USH2A: variants seen among roughly 807,000 people sequenced by gnomAD.
The protein encoded by USH2A is Usher syndrome 2A (autosomal recessive, mild).
USH2A carries 443 observed loss-of-function variants against 538.9 expected under a neutral mutation model. The observed-to-expected ratio is 0.82, with a 90% CI of 0.76 to 0.89. The LOEUF is 0.89. Ranked by LOEUF, USH2A falls within the 40% of genes least tolerant of loss-of-function variation. The pLI is 0.00. For synonymous variants in USH2A, 2,413 were observed against 2,273.5 expected (o/e 1.06, Z -1.75); for missense variants, 6,633 against 6,324.8 (o/e 1.05, Z -1.65).
rs1056746836 is a variant in USH2A, at chr1:216,111,585, A to G, written c.4628-14372T>C. Among the ~76,000 whole-genome samples the G allele has an allele frequency of 8.5e-5, 13 of 152,194 alleles. No homozygotes were observed. In the East Asian group the frequency reaches 2.5e-3, roughly 29 times the overall value. Reference sequence around the variant, plus strand: ...TGACTCAGTTTAAAAAAACTATCAGAAACTTTAAAAAACGCTTTATTAAAC... The same window carrying G: ...TGACTCAGTTTAAAAAAACTATCAGGAACTTTAAAAAACGCTTTATTAAAC... On this transcript the variant is annotated intron_variant, in intron 21 of 71. Coordinates refer to ENST00000307340, the MANE Select transcript of USH2A (RefSeq NM_206933.4).
chr1:215,764,680 A>C (rs12748877), intron 56 of USH2A, among the ~76,000 whole-genome samples: 12,504 of 152,174 alleles, frequency 0.082, 762 homozygotes, highest in Non-Finnish European at 0.13. Flanking sequence ...GAGATCTTCA[A>C]ATTATATCTG....
intron 66 of USH2A, 112 bp from the exon 67 acceptor site, chr1:215,647,842 A>G: frequency 8.0e-7 from 1 of 1,253,694 alleles, no homozygotes; most frequent in Middle Eastern, 2.4e-4. Context: ...ACAGAGCTAC[A>G]GGCTCTTTAA....
rs1214766432 is a variant in USH2A, at chr1:215,782,750, T to G, written c.10573A>C (p.Ile3525Leu). 1 of 1,613,694 alleles carries G rather than the reference T, an allele frequency of 6.2e-7. No individual in the cohort carries two copies. The highest frequency in any genetic ancestry group is 2.2e-5 in the East Asian group (1 of 44,858). The change falls in exon 53 of 72, where the codon ATA becomes CTA. Residue 3525 changes from isoleucine to leucine, a missense_variant. Ile to Leu is a conservative substitution (Grantham distance 5, BLOSUM62 2). Coordinates refer to ENST00000307340, the MANE Select transcript of USH2A (RefSeq NM_206933.4). ...GGTATCTCAATACCATTTGATTGTA[T>G]AGGTTTTCTCCAGTTTAAGACAATT... is the stretch of plus-strand genomic sequence containing the variant. The part of the protein sequence containing the change: ...DTIVLNWRKP[I>L]QSNGPIIYYI...
chr1:216,207,291 C>T lies in USH2A; in HGVS notation c.3298G>A (p.Glu1100Lys), dbSNP rs1167805060. Residue 1100 changes from glutamate (E) to lysine (K), a missense_variant, in exon 16 of 72, where the codon GAG (glutamate) becomes AAG (lysine). Glu to Lys is a moderately conservative substitution (Grantham distance 56). Coordinates refer to ENST00000307340, the MANE Select transcript of USH2A (RefSeq NM_206933.4). ...AACTCACTGTATGGGTATTGATCCT[C>T]TGTTGTGTAGATTTCAAAACCATCC... ...LRDGFEIYTT[E>K]DQYPYSIQYF... 1 of 1,613,872 alleles carries T rather than the reference C, an allele frequency of 6.2e-7. No individual in the cohort carries two copies. Among genetic ancestry groups the T allele is most frequent in the Non-Finnish European group, 8.5e-7 (1 of 1,179,936 alleles).
At chr1:216,251,154 T>TG (rs2036154205) in intron 11 of USH2A, 56 bp from the exon 12 acceptor site, 1 of 1,584,162 alleles carries the variant, frequency 6.3e-7, no homozygotes, top group African/African-American at 1.3e-5. Context: ...TTAGATAATT[T>TG]GCTCATTAGG....
At chr1:215,673,274 T>A (rs895206433) in intron 63 of USH2A, among the ~76,000 whole-genome samples, 1 of 152,188 alleles carries the variant, frequency 6.6e-6, no homozygotes, top group African/African-American at 2.4e-5. Context: ...AATCTACACA[T>A]CACTAGATTA....
In USH2A at chr1:216,251,069, G is replaced by T. The variant is rs142870255; in HGVS notation, c.2001C>A (p.His667Gln). 49 of 1,613,972 alleles carry T rather than the reference G, an allele frequency of 3.0e-5. No individual in the cohort carries two copies. The Middle Eastern group carries it at 9.9e-4, about 33-fold the overall frequency. ...QIGGQCNCKR[H>Q]VSGRQCNQCQ... Reference sequence around the variant, plus strand: ...ACTGATTGCACTGCCTGCCAGACACGTGTCTCTTACAATTACACTGTCCTC... The same window carrying T: ...ACTGATTGCACTGCCTGCCAGACACTTGTCTCTTACAATTACACTGTCCTC... Residue 667 changes from histidine (H) to glutamine (Q), a missense_variant, in exon 12 of 72, where the codon CAC becomes CAA. Coordinates refer to ENST00000307340, the MANE Select transcript of USH2A (RefSeq NM_206933.4).
intron 21 of USH2A, among the ~76,000 whole-genome samples, chr1:216,162,323 A>G (rs769385958): frequency 1.3e-5 from 2 of 152,008 alleles, no homozygotes; most frequent in Non-Finnish European, 2.9e-5. Context: ...TTTACTTTAC[A>G]TACCATTTTT....
At chr1:215,903,848 A>C (rs1665565432) in intron 38 of USH2A, among the ~76,000 whole-genome samples, 1 of 152,130 alleles carries the variant, frequency 6.6e-6, no homozygotes, top group Non-Finnish European at 1.5e-5. Context: ...GCATGACTAG[A>C]AAGTGCAAGA....
chr1:215,910,973 G>T (rs1157999234), intron 38 of USH2A, among the ~76,000 whole-genome samples: 2 of 151,832 alleles, frequency 1.3e-5, no homozygotes, highest in African/African-American at 4.8e-5. Flanking sequence ...TTTAGAAAAA[G>T]TATGTTCTGC....
intron 9 of USH2A, among the ~76,000 whole-genome samples, chr1:216,313,252 A>G (rs915251380): frequency 6.6e-6 from 1 of 152,142 alleles, no homozygotes; most frequent in African/African-American, 2.4e-5. Flanking sequence ...CCAGCTGCTC[A>G]CGTCCTACTA....
intron 61 of USH2A, among the ~76,000 whole-genome samples, chr1:215,707,285 C>G (rs1659208783): frequency 6.6e-6 from 1 of 152,146 alleles, no homozygotes; most frequent in Non-Finnish European, 1.5e-5. Flanking sequence ...CAGGAAGAGT[C>G]CACTTCTGAG....
At chr1:216,315,350 A>T (rs1346209054) in intron 9 of USH2A, among the ~76,000 whole-genome samples, 3 of 152,172 alleles carry the variant, frequency 2.0e-5, no homozygotes, top group Non-Finnish European at 4.4e-5. Flanking sequence ...ATGTACGAAA[A>T]TATTACATAC....
intron 28 of USH2A, 22 bp from the exon 29 acceptor site, chr1:216,072,991 G>A (rs1480079276): frequency 1.9e-6 from 3 of 1,613,420 alleles, no homozygotes; most frequent in African/African-American, 1.3e-5. Flanking sequence ...ATAAGATGCA[G>A]CAAGATTAAA....
At chr1:215,915,512 TTCTC>T (rs1216116350) in intron 38 of USH2A, among the ~76,000 whole-genome samples, 1 of 152,106 alleles carries the variant, frequency 6.6e-6, no homozygotes. Flanking sequence ...TACTCTCTCT[TTCTC>T]TCTGTTTAGT....
rs146248561 is a variant in USH2A at position 216,110,484 on chromosome 1, G to T, written c.4628-13271C>A. Among the ~76,000 whole-genome samples, 824 of 152,222 alleles carry T rather than the reference G, an allele frequency of 5.4e-3. 12 individuals carry two copies. Among genetic ancestry groups the T allele is most frequent in the African/African-American group, 0.017 (720 of 41,536 alleles). ...AATAAACAGTAGACAATAACTTAAAGATACATCAGTTCCATTAACTTGCCT... is the reference window on the plus strand; with the variant it reads ...AATAAACAGTAGACAATAACTTAAATATACATCAGTTCCATTAACTTGCCT... On this transcript the variant is annotated intron_variant, in intron 21 of 71. Transcript: ENST00000307340.
At chr1:216,231,615 C>T (rs1342676673) in intron 14 of USH2A, among the ~76,000 whole-genome samples, 1 of 151,474 alleles carries the variant, frequency 6.6e-6, no homozygotes, top group Non-Finnish European at 1.5e-5. Context: ...GTGGCGCGAT[C>T]TCGGCTCACT....
chr1:216,031,812 A>G (rs1224735821), intron 32 of USH2A, among the ~76,000 whole-genome samples: 1 of 151,346 alleles, frequency 6.6e-6, no homozygotes, highest in African/African-American at 2.4e-5. Flanking sequence ...CTCATATTAA[A>G]CTCTTCCCTC....
Position 215,899,358 on chromosome 1 carries a change from T to G in USH2A, c.7594+717A>C, listed in dbSNP as rs192019863. 5.4e-4 allele frequency among the ~76,000 whole-genome samples: 83 copies of G among 152,330 alleles called. 1 individual carries two copies. Among genetic ancestry groups the G allele is most frequent in the African/African-American group, 2.0e-3 (83 of 41,584 alleles). On this transcript the variant is annotated intron_variant, in intron 40 of 71. Transcript: ENST00000307340. ...CTGTTCAAAGATACAATGTCCTTAT[T>G]CACTCTGTGTAGCTTGATTTAATTT...
Sources: allele counts gnomAD v4.1 joint callset (sites outside exome capture counted in the v4.1 genomes callset), GRCh38; gene constraint gnomAD v4.1.1; transcripts MANE v1.5; gene names NCBI Gene and HGNC (gene_info 2026-07-23, HGNC 2026-07-21).